ALG14: variants seen among roughly 807,000 people sequenced by gnomAD.
The protein encoded by ALG14 is UDP-N-acetylglucosamine transferase subunit ALG14.
A neutral mutation model predicts 22.8 loss-of-function variants in ALG14; 17 were observed. That is an observed-to-expected ratio of 0.75 (90% confidence interval 0.51 to 1.12). The LOEUF (loss-of-function observed/expected upper bound fraction) is 1.12, where lower values mean the gene tolerates loss of function less well. Ranked by LOEUF, ALG14 falls within the 50% of genes most tolerant of loss-of-function variation. The probability of loss-of-function intolerance (pLI) is 0.00; values close to 1 mark genes in which losing one functional copy is unlikely to be tolerated. For synonymous variants in ALG14, 89 were observed against 103.7 expected (o/e 0.86, Z 0.86); for missense variants, 288 against 271.8 (o/e 1.06, Z -0.42).
In ALG14 at chr1:95,019,362, C is replaced by G. The variant is rs543437987; in HGVS notation, c.420+7767G>C. Among the ~76,000 whole-genome samples, 3 of 152,236 alleles carry G rather than the reference C, an allele frequency of 2.0e-5. No individual in the cohort carries two copies. In the South Asian group the frequency reaches 6.2e-4, roughly 32 times the overall value. Reference sequence around the variant, plus strand: ...TTGCTATTTTTAAGCATGTATAATACCAGTTCAAGCTCTCTAACCTGTTTC... The same window carrying G: ...TTGCTATTTTTAAGCATGTATAATAGCAGTTCAAGCTCTCTAACCTGTTTC... On this transcript the variant is annotated intron_variant, in intron 3 of 3. Transcript: ENST00000370205.
chr1:95,000,677 C>T (rs2100734303), intron 3 of ALG14, among the ~76,000 whole-genome samples: 1 of 147,852 alleles, frequency 6.8e-6, no homozygotes, highest in Admixed American at 6.8e-5. Context: ...TTAATCAGTT[C>T]TGTAATACAT....
rs66956744 is a variant in ALG14 at position 95,040,172 on chromosome 1, A to AAAATAAATAAAT, written c.289-12924_289-12913dup. ...GGGTGACAGAGTGAGACCCTGTCTC[A>AAAATAAATAAAT]AAATAAATAAATAAATAAATAAATA... On this transcript the variant is annotated intron_variant, in intron 2 of 3. Transcript: ENST00000370205. Among the ~76,000 whole-genome samples, 636 of 143,296 alleles carry AAAATAAATAAAT rather than the reference A, an allele frequency of 4.4e-3. 4 individuals carry two copies. The highest frequency in any genetic ancestry group is 0.011 in the Middle Eastern group (3 of 282). The allele number at this position is 143,296 out of a possible 152,430, so 94.0% of individuals were successfully genotyped here. A position where few individuals can be genotyped will look rare whatever the true frequency, so the allele number is the denominator to read the frequency against.
In ALG14 at chr1:94,983,281, C is replaced by A; in HGVS notation, c.446G>T (p.Cys149Phe). 3 of 1,613,786 alleles carry A rather than the reference C, an allele frequency of 1.9e-6. No homozygotes were observed. The highest frequency in any genetic ancestry group is 2.5e-6 in the Non-Finnish European group (3 of 1,179,714). ...DLVLCNGPGTCVPICVSALLL... is the reference protein window; with the variant it reads ...DLVLCNGPGTFVPICVSALLL... ...AAGGGCAGATACACAGATAGGAACACATGTTCCTGGTCCGTTACACAACAC... is the reference window on the plus strand; with the variant it reads ...AAGGGCAGATACACAGATAGGAACAAATGTTCCTGGTCCGTTACACAACAC... The change falls in exon 4 of 4, where the codon TGT becomes TTT. Residue 149 changes from cysteine to phenylalanine, a missense_variant. Transcript: ENST00000370205.
intron 2 of ALG14, among the ~76,000 whole-genome samples, chr1:95,043,220 C>T (rs1266815123): frequency 6.6e-6 from 1 of 152,146 alleles, no homozygotes; most frequent in Non-Finnish European, 1.5e-5. Flanking sequence ...AGGCTTTCCT[C>T]AAATGTCTGA....
chr1:95,014,144 A>G (rs1414307589), intron 3 of ALG14, among the ~76,000 whole-genome samples: 3 of 152,170 alleles, frequency 2.0e-5, no homozygotes, highest in Admixed American at 6.5e-5. Context: ...TCAGTACAGC[A>G]TTGTTCACTG....
chr1:95,033,064 T>C (rs74101985), intron 2 of ALG14, among the ~76,000 whole-genome samples: 42,335 of 152,002 alleles, frequency 0.28, 6,505 homozygotes, highest in African/African-American at 0.42. Context: ...GGGGTTCTGA[T>C]ATCTGGAGAA....
chr1:95,027,612 AAGAC>A (rs1449735612), intron 2 of ALG14, among the ~76,000 whole-genome samples: 24 of 152,258 alleles, frequency 1.6e-4, no homozygotes, highest in African/African-American at 5.1e-4. Flanking sequence ...AAGATGGGCA[AAGAC>A]AGACAGATAA....
At chr1:94,994,720 A>C (rs1388120803) in intron 3 of ALG14, among the ~76,000 whole-genome samples, 1 of 152,212 alleles carries the variant, frequency 6.6e-6, no homozygotes, top group Non-Finnish European at 1.5e-5. Flanking sequence ...GAGGCCTGCC[A>C]ACTAGGTCCA....
chr1:94,978,117 GCAGTGGTGCCATCTCAGTT>G lies in ALG14; in HGVS notation c.*4940_*4958del, dbSNP rs1290738043. The G allele has an allele frequency of 6.7e-6, 1 of 150,292 alleles. No individual in the cohort carries two copies. Among genetic ancestry groups the G allele is most frequent in the Non-Finnish European group, 1.5e-5 (1 of 67,760 alleles). The allele number at this position is 150,292 out of a possible 1,614,324, so 9.3% of individuals were successfully genotyped here. Reference sequence around the variant, plus strand: ...CTCGCTCTGTCCCCCAGGCTGGAGTGCAGTGGTGCCATCTCAGTTCACTGCAACCTCCACCTCCCTGGTT... The same window carrying G: ...CTCGCTCTGTCCCCCAGGCTGGAGTGCACTGCAACCTCCACCTCCCTGGTT... On this transcript the variant is annotated 3_prime_UTR_variant, in exon 4 of 4. Transcript: ENST00000370205.
intron 3 of ALG14, among the ~76,000 whole-genome samples, chr1:95,021,074 C>T (rs377208473): frequency 1.1e-4 from 16 of 152,280 alleles, no homozygotes; most frequent in Admixed American, 2.0e-4. Flanking sequence ...AATCCTTAGA[C>T]GAATTCAGCG....
intron 3 of ALG14, among the ~76,000 whole-genome samples, chr1:95,010,242 T>C (rs1204655196): frequency 6.6e-6 from 1 of 152,208 alleles, no homozygotes; most frequent in Non-Finnish European, 1.5e-5. Flanking sequence ...AGAAAGCTCC[T>C]CCTAACATTT....
chr1:95,068,363 G>A (rs573764544), intron 1 of ALG14, among the ~76,000 whole-genome samples: 3 of 151,998 alleles, frequency 2.0e-5, no homozygotes, highest in Admixed American at 6.6e-5. Flanking sequence ...CTCGGCTCAC[G>A]GCAACCTCTG....
chr1:95,009,455 A>G (rs1673307706), intron 3 of ALG14, among the ~76,000 whole-genome samples: 2 of 152,108 alleles, frequency 1.3e-5, no homozygotes, highest in Non-Finnish European at 2.9e-5. Flanking sequence ...AAGCAACACA[A>G]AGAAGTCACA....
At chr1:95,001,057 C>T (rs1406627371) in intron 3 of ALG14, among the ~76,000 whole-genome samples, 1 of 152,164 alleles carries the variant, frequency 6.6e-6, no homozygotes, top group Non-Finnish European at 1.5e-5. Context: ...ATTTTGCTTA[C>T]CATGGTAATC....
chr1:95,016,395 G>A (rs1474289666), intron 3 of ALG14, among the ~76,000 whole-genome samples: 2 of 152,076 alleles, frequency 1.3e-5, no homozygotes, highest in African/African-American at 2.4e-5. Flanking sequence ...GGTATCATCT[G>A]TGTAAGTTTG....
chr1:95,035,355 A>G (rs9659838), intron 2 of ALG14, among the ~76,000 whole-genome samples: 140,936 of 152,264 alleles, frequency 0.93, 65,371 homozygotes, highest in East Asian at 1. Context: ...TATAGAAGAA[A>G]ACATATTTTA....
intron 3 of ALG14, among the ~76,000 whole-genome samples, chr1:95,005,478 A>C (rs1673191858): frequency 2.0e-5 from 3 of 147,620 alleles, no homozygotes. Context: ...GGATTTGTAT[A>C]ATGTTATATC....
At position 94,981,480 on chromosome 1, in the gene ALG14, AAAG is replaced by A. The variant is rs1368869315; in HGVS notation, c.*1593_*1595del. On this transcript the variant is annotated 3_prime_UTR_variant, in exon 4 of 4. Transcript: ENST00000370205. ...TGCTTTTTTTTTTTAAAAAAAAAAA[AAAG>A]AAAAAAGGCTGGATCAGCCTCAGGA... The A allele has an allele frequency of 6.6e-6, 1 of 150,648 alleles. No individual in the cohort carries two copies. The highest frequency in any genetic ancestry group is 2.1e-4 in the South Asian group (1 of 4,780). 9.3% of individuals were successfully genotyped at this position (150,648 alleles called of 1,614,324 possible).
chr1:95,033,402 C>CATATAT (rs752147406), intron 2 of ALG14, among the ~76,000 whole-genome samples: 52 of 138,760 alleles, frequency 3.7e-4, no homozygotes, highest in South Asian at 2.5e-4. Context: ...TACATACATA[C>CATATAT]ATATATATAT....
Sources: allele counts gnomAD v4.1 joint callset (sites outside exome capture counted in the v4.1 genomes callset), GRCh38; gene constraint gnomAD v4.1.1; transcripts MANE v1.5; gene names NCBI Gene and HGNC (gene_info 2026-07-23, HGNC 2026-07-21).